RAPGEF1: variants seen among roughly 807,000 people sequenced by gnomAD.
RAPGEF1 encodes Rap guanine nucleotide exchange factor 1.
RAPGEF1 carries 33 observed loss-of-function variants against 143.3 expected under a neutral mutation model. The observed-to-expected ratio is 0.23, with a 90% CI of 0.17 to 0.31. The LOEUF (loss-of-function observed/expected upper bound fraction) is 0.31, where lower values mean the gene tolerates loss of function less well. Ranked by LOEUF, RAPGEF1 falls within the 10% of genes least tolerant of loss-of-function variation. RAPGEF1 has a pLI of 1.00. For missense variants in RAPGEF1, 1,199 were observed against 1,645.4 expected, an observed-to-expected ratio of 0.73 and a Z score of 4.69; for synonymous variants, 629 against 676.5, an observed-to-expected ratio of 0.93 and a Z score of 1.09.
intron 17 of RAPGEF1, among the ~76,000 whole-genome samples, chr9:131,592,800 G>A (rs1283432198): frequency 6.6e-6 from 1 of 152,064 alleles, no homozygotes; most frequent in Non-Finnish European, 1.5e-5. Context: ...ACTCAGGCTG[G>A]AGTGCAGTGG....
At chr9:131,602,241 A>C in intron 14 of RAPGEF1, 92 bp from the exon 15 acceptor site, 3 of 872,086 alleles carry the variant, frequency 3.4e-6, no homozygotes, top group Non-Finnish European at 5.4e-6. Context: ...GTGGCTGTGG[A>C]GTGCAAGTTC....
chr9:131,737,272 G>A, intron 1 of RAPGEF1: 2 of 1,445,870 alleles, frequency 1.4e-6, no homozygotes, highest in Non-Finnish European at 1.9e-6. Context: ...CTCCTGGTCA[G>A]CCCCTTCCCC....
At chr9:131,713,150 G>A (rs1835628637) in intron 1 of RAPGEF1, among the ~76,000 whole-genome samples, 1 of 152,204 alleles carries the variant, frequency 6.6e-6, no homozygotes. Context: ...TGACTGCACA[G>A]CCACTGTGAT....
At chr9:131,590,068 A>AC in intron 18 of RAPGEF1, 90 bp from the exon 19 acceptor site, 1 of 1,146,714 alleles carries the variant, frequency 8.7e-7, no homozygotes, top group Non-Finnish European at 1.3e-6. Flanking sequence ...CTGAGCGCTC[A>AC]CAATGTGCCC....
At chr9:131,582,553 C>A (rs926556254) in intron 25 of RAPGEF1, 52 bp downstream of exon 25, 3 of 1,296,078 alleles carry the variant, frequency 2.3e-6, no homozygotes, top group African/African-American at 3.1e-5. Context: ...TTCCCCAGAG[C>A]AATGGAGGCA....
rs1959938327 is a variant in RAPGEF1 at position 131,619,177 on chromosome 9, AGAG to A, written c.1932_1934del (p.Ser645del). The A allele has an allele frequency of 1.5e-6, 2 of 1,307,550 alleles. No individual in the cohort carries two copies. The highest frequency in any genetic ancestry group is 2.0e-6 in the Non-Finnish European group (2 of 991,010). 81.0% of individuals were successfully genotyped at this position (1,307,550 alleles called of 1,614,324 possible). ...TAGTTTGCTGGACACAGTGGGAGACAGAGGAGAAGGAAGAAGCAGCACAGGAGG... is the reference window on the plus strand; with the variant it reads ...TAGTTTGCTGGACACAGTGGGAGACAGAGAAGGAAGAAGCAGCACAGGAGG... On this transcript the variant is annotated inframe_deletion, in exon 12 of 27. Transcript: ENST00000683357.
chr9:131,718,883 G>T (rs769557233), intron 1 of RAPGEF1, among the ~76,000 whole-genome samples: 1 of 152,178 alleles, frequency 6.6e-6, no homozygotes, highest in African/African-American at 2.4e-5. Flanking sequence ...AGACAGAAGA[G>T]CCCAAAACAG....
chr9:131,630,943 T>C (rs1189350430), intron 5 of RAPGEF1, among the ~76,000 whole-genome samples: 1 of 149,594 alleles, frequency 6.7e-6, no homozygotes, highest in Admixed American at 6.6e-5. Context: ...TAAGTGCCCA[T>C]GTGTTTTTTT....
chr9:131,733,365 C>CGGGGGGGGGG (rs56890673), intron 1 of RAPGEF1, among the ~76,000 whole-genome samples: 1 of 75,286 alleles, frequency 1.3e-5, no homozygotes, highest in Admixed American at 1.4e-4. Context: ...GGGGCGGGGG[C>CGGGGGGGGGG]GGGGGGGGGG....
intron 1 of RAPGEF1, among the ~76,000 whole-genome samples, chr9:131,668,824 G>A (rs1281863936): frequency 6.6e-6 from 1 of 152,256 alleles, no homozygotes; most frequent in Non-Finnish European, 1.5e-5. Flanking sequence ...AAACCACAGA[G>A]CAGAGGCCAG....
At chr9:131,685,784 G>T (rs1016524277) in intron 1 of RAPGEF1, among the ~76,000 whole-genome samples, 1 of 152,136 alleles carries the variant, frequency 6.6e-6, no homozygotes, top group Non-Finnish European at 1.5e-5. Flanking sequence ...GCTGGGTTAG[G>T]GTCTCCCCGA....
chr9:131,672,622 G>C (rs747418857), intron 1 of RAPGEF1, among the ~76,000 whole-genome samples: 19 of 152,302 alleles, frequency 1.2e-4, no homozygotes, highest in Admixed American at 1.0e-3. Flanking sequence ...GGCCAAAGAC[G>C]GGGAGGGGCT....
intron 5 of RAPGEF1, among the ~76,000 whole-genome samples, chr9:131,635,670 T>G (rs1588644221): frequency 1.3e-5 from 2 of 148,446 alleles, no homozygotes; most frequent in Non-Finnish European, 1.5e-5. Flanking sequence ...AGCTTGGAGG[T>G]GGGAGTGCAG....
At position 131,621,544 on chromosome 9, in the gene RAPGEF1, G is replaced by A. The variant is rs555330502; in HGVS notation, c.1905+252C>T. ...CTGAGTACAAGCCTGTCCCTGCTGC[G>A]CGGGGCTGCTGTGGAAAAGAAAGGT... On this transcript the variant is annotated intron_variant, in intron 11 of 26. Coordinates refer to ENST00000683357, the MANE Select transcript of RAPGEF1 (RefSeq NM_001377935.1). This position sits in a 1 kb window ranked among gnomAD's most constrained non-coding sequence, Gnocchi z 4.5. 1.5e-4 allele frequency among the ~76,000 whole-genome samples: 23 copies of A among 152,362 alleles called. No individual in the cohort carries two copies. Among genetic ancestry groups the A allele is most frequent in the South Asian group, 6.2e-4 (3 of 4,828 alleles).
At chr9:131,711,422 A>G (rs1357083191) in intron 1 of RAPGEF1, among the ~76,000 whole-genome samples, 1 of 150,416 alleles carries the variant, frequency 6.6e-6, no homozygotes, top group Non-Finnish European at 1.5e-5. Context: ...CAGTGGTGCA[A>G]TCTCAGCTCA....
At chr9:131,663,400 ACT>A (rs1280337524) in intron 1 of RAPGEF1, among the ~76,000 whole-genome samples, 4 of 151,954 alleles carry the variant, frequency 2.6e-5, no homozygotes, top group Non-Finnish European at 4.4e-5. Context: ...GATATTTAAC[ACT>A]GACATAATAT....
intron 12 of RAPGEF1, among the ~76,000 whole-genome samples, chr9:131,614,834 G>GTT (rs5900947): frequency 1.3e-3 from 185 of 146,238 alleles, no homozygotes; most frequent in Middle Eastern, 3.6e-3. Context: ...TTAGCCTGAA[G>GTT]TTTTTTTTTT....
chr9:131,735,059 T>C (rs1182014044), intron 1 of RAPGEF1, among the ~76,000 whole-genome samples: 1 of 152,190 alleles, frequency 6.6e-6, no homozygotes, highest in Non-Finnish European at 1.5e-5. Context: ...TTTAAAAACA[T>C]ACATACAAAA....
intron 1 of RAPGEF1, among the ~76,000 whole-genome samples, chr9:131,674,920 G>T (rs1309250407): frequency 6.6e-6 from 1 of 152,136 alleles, no homozygotes; most frequent in African/African-American, 2.4e-5. Context: ...CAAGTCTGGA[G>T]AGAGGGGTGG....
Sources: gnomAD v4.1 joint callset for allele counts (sites outside exome capture counted in the v4.1 genomes callset) on GRCh38, gnomAD v4.1.1 for gene constraint, Gnocchi (gnomAD v3.1) non-coding constraint, MANE v1.5 for transcripts, NCBI Gene and HGNC (gene_info 2026-07-23, HGNC 2026-07-21) for gene names.